Variants in CCSER1 observed in about 807,000 individuals in gnomAD.
CCSER1 encodes the protein coiled-coil serine rich protein 1.
A neutral mutation model predicts 82.0 loss-of-function variants in CCSER1; 41 were observed. That is an observed-to-expected ratio of 0.50 (90% CI 0.39 to 0.65). The LOEUF (loss-of-function observed/expected upper bound fraction) is 0.65, where lower values mean the gene tolerates loss of function less well. Ranked by LOEUF, CCSER1 falls within the 30% of genes least tolerant of loss-of-function variation. The pLI is 0.00. For missense variants in CCSER1, 1,119 were observed against 1,064.2 expected, an observed-to-expected ratio of 1.05 and a Z score of -0.72; for synonymous variants, 414 against 383.9, an observed-to-expected ratio of 1.08 and a Z score of -0.92.
At chr4:90,436,931 C>T (rs961882950) in intron 4 of CCSER1, among the ~76,000 whole-genome samples, 8 of 151,846 alleles carry the variant, frequency 5.3e-5, no homozygotes, top group South Asian at 2.1e-4. Context: ...CTCAGCCTCC[C>T]GAGTAGCTGG....
At chr4:90,472,122 A>G (rs1764490009) in intron 5 of CCSER1, among the ~76,000 whole-genome samples, 2 of 152,214 alleles carry the variant, frequency 1.3e-5, no homozygotes, top group Admixed American at 1.3e-4. Flanking sequence ...CTTGAATTTT[A>G]CAGTCTTCAC....
intron 1 of CCSER1, among the ~76,000 whole-genome samples, chr4:90,268,354 A>G (rs1725625602): frequency 6.6e-6 from 1 of 152,198 alleles, no homozygotes; most frequent in South Asian, 2.1e-4. Flanking sequence ...TCAGACATGG[A>G]TAGTATAATA....
intron 10 of CCSER1, among the ~76,000 whole-genome samples, chr4:91,538,084 C>T (rs191432473): frequency 6.6e-6 from 1 of 152,078 alleles, no homozygotes; most frequent in African/African-American, 2.4e-5. Context: ...ATTCATACAA[C>T]CACTATTCAA....
intron 9 of CCSER1, among the ~76,000 whole-genome samples, chr4:91,022,013 T>A (rs1223792587): frequency 3.9e-5 from 6 of 152,172 alleles, no homozygotes; most frequent in East Asian, 3.8e-4. Flanking sequence ...ACTTTTTTTT[T>A]ATTATACTTT....
intron 10 of CCSER1, among the ~76,000 whole-genome samples, chr4:91,323,776 G>T (rs1438090918): frequency 6.6e-6 from 1 of 152,140 alleles, no homozygotes; most frequent in African/African-American, 2.4e-5. Flanking sequence ...TAGCGCAATG[G>T]CCTATGGATG....
intron 10 of CCSER1, among the ~76,000 whole-genome samples, chr4:91,315,393 T>C (rs1745763452): frequency 6.6e-6 from 1 of 151,968 alleles, no homozygotes; most frequent in South Asian, 2.1e-4. Context: ...GACAGTGCTG[T>C]ATTTTTCATT....
At chr4:90,462,757 A>C (rs1763112881) in intron 4 of CCSER1, among the ~76,000 whole-genome samples, 1 of 152,312 alleles carries the variant, frequency 6.6e-6, no homozygotes, top group African/African-American at 2.4e-5. Flanking sequence ...AAAGTAAAAC[A>C]GTTATAAATA....
intron 10 of CCSER1, among the ~76,000 whole-genome samples, chr4:91,249,231 G>A (rs1046837344): frequency 2.2e-4 from 34 of 152,012 alleles, no homozygotes; most frequent in Non-Finnish European, 7.4e-5. Context: ...CCATTTCTAT[G>A]TTTTTAGTTG....
intron 5 of CCSER1, among the ~76,000 whole-genome samples, chr4:90,606,785 G>GAT (rs1784775252): frequency 6.6e-6 from 1 of 152,122 alleles, no homozygotes; most frequent in African/African-American, 2.4e-5. Context: ...TCTACTCTGA[G>GAT]ATAGCCCAGG....
intron 6 of CCSER1, among the ~76,000 whole-genome samples, chr4:90,686,445 A>C (rs6857209): frequency 0.46 from 69,523 of 151,322 alleles, 16,357 homozygotes; most frequent in Middle Eastern, 0.58. Context: ...TCTGCCCAGT[A>C]TCCATTATCC....
intron 5 of CCSER1, among the ~76,000 whole-genome samples, chr4:90,473,271 A>G (rs545754441): frequency 3.0e-4 from 45 of 152,308 alleles, no homozygotes; most frequent in East Asian, 1.4e-3. Flanking sequence ...CCATAACTCA[A>G]TGTCTGAATG....
At chr4:91,401,709 T>A (rs1752346069) in intron 10 of CCSER1, among the ~76,000 whole-genome samples, 1 of 152,152 alleles carries the variant, frequency 6.6e-6, no homozygotes, top group South Asian at 2.1e-4. Flanking sequence ...TTCATCCATA[T>A]CCCTACAAAG....
At chr4:91,121,564 G>A (rs1727092544) in intron 10 of CCSER1, among the ~76,000 whole-genome samples, 1 of 151,476 alleles carries the variant, frequency 6.6e-6, no homozygotes, top group Admixed American at 6.6e-5. Context: ...TTCAGTATGT[G>A]CTATGTTGTT....
chr4:90,872,252 T>A (rs1179073345), intron 8 of CCSER1, among the ~76,000 whole-genome samples: 1 of 151,874 alleles, frequency 6.6e-6, no homozygotes, highest in African/African-American at 2.4e-5. Flanking sequence ...TTCTCCTTCC[T>A]TCCTTCCTTT....
At chr4:90,440,808 G>C (rs1012740492) in intron 4 of CCSER1, among the ~76,000 whole-genome samples, 1 of 152,092 alleles carries the variant, frequency 6.6e-6, no homozygotes, top group African/African-American at 2.4e-5. Flanking sequence ...TTTCTATTCT[G>C]TCTGAGCTTC....
rs370804958 is a variant in CCSER1, at chr4:90,605,930, GC to G, written c.1725-22093del. Among the ~76,000 whole-genome samples the G allele has an allele frequency of 8.6e-5, 13 of 151,992 alleles. No individual in the cohort carries two copies. In the East Asian group the frequency reaches 2.5e-3, roughly 29 times the overall value. On this transcript the variant is annotated intron_variant, in intron 5 of 10. Transcript: ENST00000509176. ...TTATTAGAATATGACAATAACATAT[GC>G]CAAATCAATGCTTAAATTGATACTT...
chr4:91,400,343 T>A (rs1239707936), intron 10 of CCSER1, among the ~76,000 whole-genome samples: 1 of 151,812 alleles, frequency 6.6e-6, no homozygotes, highest in African/African-American at 2.4e-5. Context: ...TGAAGTTAAG[T>A]AGTACTAAGA....
At chr4:90,365,431 A>G (rs549712960) in intron 3 of CCSER1, among the ~76,000 whole-genome samples, 122 of 151,858 alleles carry the variant, frequency 8.0e-4, no homozygotes, top group Non-Finnish European at 1.5e-3. Context: ...TTCCTTCTCA[A>G]TTTCTACTTG....
chr4:91,192,370 A>G (rs960551522), intron 10 of CCSER1, among the ~76,000 whole-genome samples: 30 of 152,130 alleles, frequency 2.0e-4, no homozygotes, highest in Non-Finnish European at 1.5e-4. Flanking sequence ...TTTGTTTTTT[A>G]AGTTTGATAC....
Sources: gnomAD v4.1 joint callset for allele counts (sites outside exome capture counted in the v4.1 genomes callset) on GRCh38, gnomAD v4.1.1 for gene constraint, MANE v1.5 for transcripts, NCBI Gene and HGNC (gene_info 2026-07-23, HGNC 2026-07-21) for gene names.